Variants in KRABD5 observed in about 807,000 individuals in gnomAD.
The protein encoded by KRABD5 is KRAB domain containing 5, also known as KRAB domain-containing protein 5.
chr16:31,751,328 C>T, the KRABD5 span, among the ~76,000 whole-genome samples: 1 of 152,074 alleles, frequency 6.6e-6, no homozygotes, highest in Non-Finnish European at 1.5e-5. Flanking sequence ...GGAGTCCCTT[C>T]TTATATTTTG....
chr16:31,734,807 C>T, the KRABD5 span, among the ~76,000 whole-genome samples: 4 of 151,004 alleles, frequency 2.6e-5, no homozygotes, highest in South Asian at 4.2e-4. Context: ...AGTGCAGTGG[C>T]GTGATCTCAG....
At chr16:31,745,560 T>A in the KRABD5 span, among the ~76,000 whole-genome samples, 1 of 152,230 alleles carries the variant, frequency 6.6e-6, no homozygotes, top group African/African-American at 2.4e-5. Flanking sequence ...GATTTTAGAA[T>A]AAGTGCCATC....
At chr16:31,727,982 A>T in the KRABD5 span, among the ~76,000 whole-genome samples, 6 of 152,066 alleles carry the variant, frequency 3.9e-5, no homozygotes, top group Admixed American at 2.6e-4. Flanking sequence ...CCATCTCCCA[A>T]GTAGCTGGGA....
the KRABD5 span, among the ~76,000 whole-genome samples, chr16:31,747,731 T>C: frequency 6.6e-6 from 1 of 152,258 alleles, no homozygotes; most frequent in African/African-American, 2.4e-5. Flanking sequence ...TGCATTTCTC[T>C]GATGGCCAGT....
the KRABD5 span, chr16:31,713,306 A>G: frequency 4.5e-6 from 6 of 1,336,528 alleles, no homozygotes; most frequent in Admixed American, 4.0e-5. Context: ...AGGGGCTCCC[A>G]GTCCTTCCAT....
the KRABD5 span, among the ~76,000 whole-genome samples, chr16:31,741,509 T>C: frequency 6.6e-6 from 1 of 152,180 alleles, no homozygotes; most frequent in East Asian, 1.9e-4. Flanking sequence ...TTCTGAGTGG[T>C]GTAAATAGTA....
chr16:31,720,893 C>T, the KRABD5 span, among the ~76,000 whole-genome samples: 45 of 152,178 alleles, frequency 3.0e-4, no homozygotes, highest in Admixed American at 5.2e-4. Flanking sequence ...ATTTGTTGAC[C>T]GTAAATACTG....
At chr16:31,729,454 C>T in the KRABD5 span, among the ~76,000 whole-genome samples, 14 of 152,286 alleles carry the variant, frequency 9.2e-5, no homozygotes, top group South Asian at 2.1e-4. Context: ...TTATAACAAA[C>T]GCACACTTGT....
At chr16:31,722,872 C>A in the KRABD5 span, 3 of 1,121,700 alleles carry the variant, frequency 2.7e-6, no homozygotes, top group Non-Finnish European at 3.4e-6. Context: ...ATTCCTGTTT[C>A]CAGGAAAAAA....
chr16:31,723,584 A>G, the KRABD5 span, among the ~76,000 whole-genome samples: 1 of 152,202 alleles, frequency 6.6e-6, no homozygotes, highest in African/African-American at 2.4e-5. Context: ...ATTCACAGTG[A>G]CAGCCAAAGT....
At chr16:31,729,267 T>C in the KRABD5 span, among the ~76,000 whole-genome samples, 6 of 152,230 alleles carry the variant, frequency 3.9e-5, no homozygotes, top group African/African-American at 7.2e-5. Context: ...TGTGCTGCTA[T>C]ATCAGAATAT....
chr16:31,753,973 T>A, the KRABD5 span: 1 of 1,530,308 alleles, frequency 6.5e-7, no homozygotes, highest in Non-Finnish European at 8.9e-7. Context: ...AACAAAAACC[T>A]CACTGTTACA....
At chr16:31,714,666 T>C in the KRABD5 span, among the ~76,000 whole-genome samples, 3 of 152,184 alleles carry the variant, frequency 2.0e-5, no homozygotes, top group African/African-American at 4.8e-5. Context: ...AAGGAGGTCA[T>C]TGAAGGCCCA....
chr16:31,759,294 C>T, the KRABD5 span: 36 of 1,501,790 alleles, frequency 2.4e-5, no homozygotes, highest in Non-Finnish European at 3.2e-5. Context: ...ATTCATAAAC[C>T]TGCTCAATGA....
chr16:31,745,239 T>A, the KRABD5 span, among the ~76,000 whole-genome samples: 1 of 152,204 alleles, frequency 6.6e-6, no homozygotes, highest in East Asian at 1.9e-4. Context: ...TTTTTCTAGC[T>A]TTCTGTTGTG....
At chr16:31,730,212 G>T in the KRABD5 span, among the ~76,000 whole-genome samples, 1 of 126,372 alleles carries the variant, frequency 7.9e-6, no homozygotes, top group South Asian at 2.8e-4. Flanking sequence ...AGGTCTAGTG[G>T]TGATGAATTC....
chr16:31,720,434 C>G, the KRABD5 span, among the ~76,000 whole-genome samples: 2 of 152,080 alleles, frequency 1.3e-5, no homozygotes, highest in African/African-American at 4.8e-5. Context: ...AGCACGGGCC[C>G]CAGAATACCA....
the KRABD5 span, among the ~76,000 whole-genome samples, chr16:31,740,488 C>G: frequency 6.6e-6 from 1 of 152,014 alleles, no homozygotes; most frequent in African/African-American, 2.4e-5. Flanking sequence ...TGTCTGTGTT[C>G]TCCTTTAACT....
At chr16:31,760,528 A>G in the KRABD5 span, 2 of 131,432 alleles carry the variant, frequency 1.5e-5, no homozygotes, top group Non-Finnish European at 3.2e-5. Context: ...CCACTGTTTC[A>G]GGGTGAGGGA....
Sources: gnomAD v4.1 joint callset for allele counts (sites outside exome capture counted in the v4.1 genomes callset) on GRCh38, gnomAD v4.1.1 for gene constraint, MANE v1.5 for transcripts, NCBI Gene and HGNC (gene_info 2026-07-23, HGNC 2026-07-21) for gene names.